Variants in SPECC1 observed in about 807,000 individuals in gnomAD.
The protein encoded by SPECC1 is sperm antigen with calponin homology and coiled-coil domains 1.
SPECC1 carries 62 observed loss-of-function variants against 104.1 expected under a neutral mutation model. The ratio of observed to expected loss-of-function variants is 0.60; its 90% CI spans 0.49 to 0.74. The LOEUF (loss-of-function observed/expected upper bound fraction) is 0.74, where lower values mean the gene tolerates loss of function less well. Among genes scored for constraint, SPECC1 ranks in the 30% least tolerant of loss-of-function variants. SPECC1 has a pLI of 0.00. For synonymous variants in SPECC1, 513 were observed against 501.6 expected (o/e 1.02, Z -0.30); for missense variants, 1,306 against 1,310.5 (o/e 1.00, Z 0.05).
At chr17:20,311,877 T>A (rs1458724606) in intron 14 of SPECC1, among the ~76,000 whole-genome samples, 2 of 152,228 alleles carry the variant, frequency 1.3e-5, no homozygotes, top group African/African-American at 4.8e-5. Context: ...GATTGTGGAA[T>A]TTTGTGTAAT....
At chr17:20,217,125 T>C (rs544900562) in intron 4 of SPECC1, among the ~76,000 whole-genome samples, 1 of 152,342 alleles carries the variant, frequency 6.6e-6, no homozygotes, top group East Asian at 1.9e-4. Flanking sequence ...ACATGCTGGA[T>C]TACTCTTTTC....
chr17:20,188,479 AATTCCTGACCTCAGGTGAT>A (rs905393633), intron 3 of SPECC1, among the ~76,000 whole-genome samples: 131 of 152,118 alleles, frequency 8.6e-4, no homozygotes, highest in African/African-American at 2.2e-3. Context: ...GCTGATCTCG[AATTCCTGACCTCAGGTGAT>A]ATTCCTGACC....
chr17:20,276,739 T>G (rs2040588281), intron 12 of SPECC1, among the ~76,000 whole-genome samples: 1 of 152,262 alleles, frequency 6.6e-6, no homozygotes. Flanking sequence ...AGCTAGAGTC[T>G]GTTTTTGTTA....
Position 20,205,629 on chromosome 17 carries a change from G to A in SPECC1, c.1580G>A (p.Arg527Gln), listed in dbSNP as rs201795598. 34 of 1,614,110 alleles carry A rather than the reference G, an allele frequency of 2.1e-5. No homozygotes were observed. Among genetic ancestry groups the A allele is most frequent in the Non-Finnish European group, 2.8e-5 (33 of 1,180,024 alleles). The change falls in exon 4 of 15, where the codon CGG (arginine) becomes CAG (glutamine). Residue 527 changes from arginine (R) to glutamine (Q), a missense_variant. Arg to Gln is a conservative substitution (Grantham distance 43). Coordinates refer to ENST00000395527, the MANE Select transcript of SPECC1 (RefSeq NM_001243439.2). ...CTGAATGAGTTTCTAGAACTGGAACGGCATAATAATAACATGATGGCCAAA... is the reference window on the plus strand; with the variant it reads ...CTGAATGAGTTTCTAGAACTGGAACAGCATAATAATAACATGATGGCCAAA... The part of the protein sequence containing the change: ...EKLNEFLELE[R>Q]HNNNMMAKTL...
chr17:20,309,373 C>G (rs1309473688), intron 14 of SPECC1, among the ~76,000 whole-genome samples: 3 of 152,098 alleles, frequency 2.0e-5, no homozygotes, highest in Non-Finnish European at 4.4e-5. Flanking sequence ...TGGGGTATAA[C>G]ATATTAGGAT....
Position 20,160,350 on chromosome 17 carries a change from G to T in SPECC1, c.284-43983G>T, listed in dbSNP as rs149811316. On this transcript the variant is annotated intron_variant, in intron 3 of 14. Coordinates refer to ENST00000395527, the MANE Select transcript of SPECC1 (RefSeq NM_001243439.2). ...GCCAGCAGTCGGGAGAGGAGAAGGC[G>T]TGTGGAGGACCCTGCCCGAGGTTTT... 8.5e-5 allele frequency among the ~76,000 whole-genome samples: 13 copies of T among 152,212 alleles called. No individual in the cohort carries two copies. The East Asian group carries it at 2.3e-3, about 27-fold the overall frequency.
At chr17:20,198,636 G>T (rs1040391711) in intron 3 of SPECC1, among the ~76,000 whole-genome samples, 2 of 152,220 alleles carry the variant, frequency 1.3e-5, no homozygotes, top group Admixed American at 6.5e-5. Flanking sequence ...GGCCTTTACT[G>T]AGACGGGCCT....
At chr17:20,258,945 C>G (rs887759409) in intron 11 of SPECC1, among the ~76,000 whole-genome samples, 1 of 152,218 alleles carries the variant, frequency 6.6e-6, no homozygotes, top group East Asian at 1.9e-4. Context: ...AGTAAAAGTT[C>G]AACTTACATT....
chr17:20,249,399 C>T (rs187440510), intron 9 of SPECC1, among the ~76,000 whole-genome samples: 271 of 152,086 alleles, frequency 1.8e-3, no homozygotes, highest in African/African-American at 6.2e-3. Flanking sequence ...GCCTGGGCAA[C>T]AGAGCAAGAC....
chr17:20,162,095 C>T (rs1392917523), intron 3 of SPECC1, among the ~76,000 whole-genome samples: 3 of 151,626 alleles, frequency 2.0e-5, no homozygotes, highest in Non-Finnish European at 2.9e-5. Flanking sequence ...GTGCCCTGCT[C>T]TCATTTCTGT....
rs754935719 is a variant in SPECC1 at position 20,110,475 on chromosome 17, G to T, written c.196G>T (p.Ala66Ser). 2.5e-6 allele frequency: 4 copies of T among 1,613,844 alleles called. No homozygotes were observed. In the African/African-American group the frequency reaches 5.3e-5, roughly 22 times the overall value. ...CACGCTCAACAAGCCAGGAAGTACC[G>T]CTGCATCGGGGGTGGTTCGCCTGAA... Reference protein sequence around the residue: ...EDTLNKPGSTAASGVVRLKKT... With the variant: ...EDTLNKPGSTSASGVVRLKKT... Residue 66 changes from alanine to serine, a missense_variant, in exon 3 of 15, where the codon GCT becomes TCT. Around this residue, in one of 2 missense-constraint regions of SPECC1, gnomAD observed 1,177 missense variants for 1,139.9 expected, o/e 1.03. Coordinates refer to ENST00000395527, the MANE Select transcript of SPECC1 (RefSeq NM_001243439.2).
chr17:20,225,145 G>T (rs771770504), intron 4 of SPECC1, among the ~76,000 whole-genome samples: 1 of 152,150 alleles, frequency 6.6e-6, no homozygotes, highest in African/African-American at 2.4e-5. Context: ...TTTTACTGTG[G>T]CTGAGCTGGT....
In SPECC1 at chr17:20,122,930, CTGCTCTGT is replaced by C. The variant is rs2049108800; in HGVS notation, c.283+12369_283+12376del. 2.0e-5 allele frequency among the ~76,000 whole-genome samples: 3 copies of C among 152,304 alleles called. No homozygotes were observed. The East Asian group carries it at 5.8e-4, about 29-fold the overall frequency. On this transcript the variant is annotated intron_variant, in intron 3 of 14. Transcript: ENST00000395527. ...TACCTTTTGGCTATTGTGAATAATG[CTGCTCTGT>C]ACACAGGTGTACAGATATCTCCTTG...
intron 3 of SPECC1, among the ~76,000 whole-genome samples, chr17:20,158,397 G>A (rs539495948): frequency 6.6e-6 from 1 of 152,338 alleles, no homozygotes; most frequent in South Asian, 2.1e-4. Flanking sequence ...AGAATTAGAG[G>A]AGTTCGAGAC....
chr17:20,081,327 CAAAT>C lies in SPECC1; in HGVS notation c.-21-15303_-21-15300del, dbSNP rs928852252. ...GCTTCCAGAATGATTCTTGAGCAAA[CAAAT>C]GAATGAGACAGTCCCCAGCTGTTTG... On this transcript the variant is annotated intron_variant, in intron 1 of 14. Transcript: ENST00000395527. 2.1e-4 allele frequency among the ~76,000 whole-genome samples: 32 copies of C among 152,220 alleles called. No homozygotes were observed. In the East Asian group the frequency reaches 3.7e-3, roughly 17 times the overall value.
chr17:20,214,006 C>T (rs971500432), intron 4 of SPECC1, among the ~76,000 whole-genome samples: 33 of 152,240 alleles, frequency 2.2e-4, no homozygotes, highest in African/African-American at 7.5e-4. Context: ...TTTTATCACC[C>T]CGTAAAAAAA....
intron 1 of SPECC1, chr17:20,017,249 G>A (rs570177809): frequency 6.6e-6 from 1 of 152,354 alleles, no homozygotes; most frequent in African/African-American, 2.4e-5. Flanking sequence ...CTGTCTATAT[G>A]AGCTGCAACA....
intron 3 of SPECC1, among the ~76,000 whole-genome samples, chr17:20,189,373 G>A (rs1054635630): frequency 6.6e-6 from 1 of 152,164 alleles, no homozygotes; most frequent in Non-Finnish European, 1.5e-5. Flanking sequence ...GGGACGAAGC[G>A]CTCCTCCAGC....
chr17:20,203,142 G>T, intron 3 of SPECC1, among the ~76,000 whole-genome samples: 2 of 152,080 alleles, frequency 1.3e-5, no homozygotes, highest in Middle Eastern at 3.4e-3. Context: ...ATTCCCTCCC[G>T]TGCCCTTCCT....
Sources: gnomAD v4.1 joint callset for allele counts (sites outside exome capture counted in the v4.1 genomes callset) on GRCh38, gnomAD v4.1.1 for gene constraint, gnomAD v4.1.1 regional missense constraint, MANE v1.5 for transcripts, NCBI Gene and HGNC (gene_info 2026-07-23, HGNC 2026-07-21) for gene names.